Variants in NEO1 observed in about 807,000 individuals in gnomAD.
NEO1 encodes the protein neogenin 1.
NEO1 carries 63 observed loss-of-function variants against 159.7 expected under a neutral mutation model. The ratio of observed to expected loss-of-function variants is 0.39; its 90% CI spans 0.32 to 0.49. The LOEUF (loss-of-function observed/expected upper bound fraction) is 0.49, where lower values mean the gene tolerates loss of function less well. Among genes scored for constraint, NEO1 ranks in the 20% least tolerant of loss-of-function variants. NEO1 has a pLI of 0.85. For synonymous variants in NEO1, 633 were observed against 662.0 expected, an observed-to-expected ratio of 0.96 and a Z score of 0.67; for missense variants, 1,615 against 1,831.0, an observed-to-expected ratio of 0.88 and a Z score of 2.15.
At chr15:73,129,172 A>G (rs2030738681) in intron 4 of NEO1, among the ~76,000 whole-genome samples, 1 of 152,222 alleles carries the variant, frequency 6.6e-6, no homozygotes, top group Admixed American at 6.5e-5. Flanking sequence ...CAATATATTT[A>G]GCTTGAATAA....
At chr15:73,123,026 A>G (rs2010793) in intron 3 of NEO1, among the ~76,000 whole-genome samples, 61,016 of 151,822 alleles carry the variant, frequency 0.4, 13,480 homozygotes, top group Middle Eastern at 0.51. Flanking sequence ...ACATGGTGGC[A>G]GGCGCTTATA....
chr15:73,160,155 T>C (rs1049777602), intron 5 of NEO1, among the ~76,000 whole-genome samples: 2 of 152,214 alleles, frequency 1.3e-5, no homozygotes, highest in Non-Finnish European at 2.9e-5. Flanking sequence ...ATGTATACTT[T>C]TAATTTTTCT....
At chr15:73,175,205 G>A (rs1400110888) in intron 5 of NEO1, among the ~76,000 whole-genome samples, 2 of 152,166 alleles carry the variant, frequency 1.3e-5, no homozygotes, top group African/African-American at 4.8e-5. Context: ...ATTTACAGAG[G>A]CTGATACAGC....
At chr15:73,056,665 C>T (rs2067711192) in intron 1 of NEO1, among the ~76,000 whole-genome samples, 2 of 152,170 alleles carry the variant, frequency 1.3e-5, no homozygotes, top group East Asian at 1.9e-4. Context: ...TGTGTGGGCC[C>T]CCCCTGCCCT....
At chr15:73,207,651 A>G (rs1408835800) in intron 7 of NEO1, among the ~76,000 whole-genome samples, 3 of 152,336 alleles carry the variant, frequency 2.0e-5, no homozygotes, top group South Asian at 4.1e-4. Context: ...TTTCGTCCCT[A>G]CTGCACAATG....
intron 7 of NEO1, among the ~76,000 whole-genome samples, chr15:73,235,187 C>T (rs2039106694): frequency 6.6e-6 from 1 of 152,116 alleles, no homozygotes; most frequent in African/African-American, 2.4e-5. Flanking sequence ...ACAGACATTT[C>T]CAGGAGGTTG....
chr15:73,180,420 G>T (rs755369409), intron 7 of NEO1, among the ~76,000 whole-genome samples: 8 of 152,162 alleles, frequency 5.3e-5, no homozygotes, highest in Admixed American at 1.3e-4. Flanking sequence ...TTTAGTAGAA[G>T]CATGCCATTT....
intron 2 of NEO1, among the ~76,000 whole-genome samples, chr15:73,118,570 C>T (rs2071452863): frequency 6.6e-6 from 1 of 151,812 alleles, no homozygotes; most frequent in Non-Finnish European, 1.5e-5. Flanking sequence ...TTAATTTTAT[C>T]CTCCACCTTT....
intron 7 of NEO1, among the ~76,000 whole-genome samples, chr15:73,224,287 T>C (rs2038452461): frequency 6.6e-6 from 1 of 152,192 alleles, no homozygotes; most frequent in African/African-American, 2.4e-5. Flanking sequence ...ACAGTGTGCT[T>C]AGGTGATGAT....
chr15:73,151,018 A>G lies in NEO1; in HGVS notation c.1015+14991A>G, dbSNP rs546515773. Among the ~76,000 whole-genome samples the G allele has an allele frequency of 2.0e-5, 3 of 152,268 alleles. No individual in the cohort carries two copies. In the South Asian group the frequency reaches 6.2e-4, roughly 32 times the overall value. On this transcript the variant is annotated intron_variant, in intron 5 of 28. Coordinates refer to ENST00000261908, the MANE Select transcript of NEO1 (RefSeq NM_002499.4). ...AATGAGTAGTATTTCTGAGTAGTGT[A>G]TGCCAGGCCTTTTCCCAGAGTGGTC...
chr15:73,104,146 G>C (rs1190829624), intron 1 of NEO1, among the ~76,000 whole-genome samples: 1 of 152,154 alleles, frequency 6.6e-6, no homozygotes, highest in Non-Finnish European at 1.5e-5. Context: ...ACAGGTGTGA[G>C]CCACTGCGAC....
intron 7 of NEO1, among the ~76,000 whole-genome samples, chr15:73,217,434 A>G (rs1409259061): frequency 6.6e-6 from 1 of 150,462 alleles, no homozygotes; most frequent in Non-Finnish European, 1.5e-5. Flanking sequence ...GTTCCATATG[A>G]ACTTTAAAGT....
chr15:73,064,612 A>C (rs1332306253), intron 1 of NEO1, among the ~76,000 whole-genome samples: 1 of 151,930 alleles, frequency 6.6e-6, no homozygotes, highest in African/African-American at 2.4e-5. Context: ...CTACAGGTGC[A>C]CACCACCATG....
chr15:73,150,718 A>G (rs1218702695), intron 5 of NEO1, among the ~76,000 whole-genome samples: 1 of 152,208 alleles, frequency 6.6e-6, no homozygotes, highest in Non-Finnish European at 1.5e-5. Flanking sequence ...ACACATTACT[A>G]TACAACCAAA....
intron 7 of NEO1, among the ~76,000 whole-genome samples, chr15:73,209,097 T>C (rs1048758489): frequency 1.3e-5 from 2 of 152,262 alleles, no homozygotes; most frequent in African/African-American, 4.8e-5. Flanking sequence ...TAGTTTTCTT[T>C]TATTCATTAT....
At chr15:73,251,316 G>A (rs1354081776) in intron 11 of NEO1, among the ~76,000 whole-genome samples, 1 of 151,890 alleles carries the variant, frequency 6.6e-6, no homozygotes, top group South Asian at 2.1e-4. Flanking sequence ...TTCAAGACCA[G>A]CCTGGACAAC....
At chr15:73,252,795 G>A (rs918889122) in intron 11 of NEO1, among the ~76,000 whole-genome samples, 19 of 152,198 alleles carry the variant, frequency 1.2e-4, no homozygotes, top group Admixed American at 9.8e-4. Context: ...TTCAAGACCA[G>A]CCTGGCCAAC....
rs1466985579 is a variant in NEO1 at position 73,304,280 on chromosome 15, A to G, written c.*1584A>G. The G allele has an allele frequency of 2.0e-5, 3 of 152,154 alleles. No homozygotes were observed. The East Asian group carries it at 5.8e-4, about 29-fold the overall frequency. The allele number at this position is 152,154 out of a possible 1,614,324, so 9.4% of individuals were successfully genotyped here. On this transcript the variant is annotated 3_prime_UTR_variant, in exon 29 of 29. Transcript: ENST00000261908. ...AGGAGCTGAGGTGTGTGGTTTTTTA[A>G]TATTAAGAATATATAATGGAAAACA...
At chr15:73,252,894 G>A (rs2040150527) in intron 11 of NEO1, among the ~76,000 whole-genome samples, 1 of 152,160 alleles carries the variant, frequency 6.6e-6, no homozygotes, top group African/African-American at 2.4e-5. Context: ...GGAGGCTGAG[G>A]CAGGAGAATC....
Sources: allele counts gnomAD v4.1 joint callset (sites outside exome capture counted in the v4.1 genomes callset), GRCh38; gene constraint gnomAD v4.1.1; transcripts MANE v1.5; gene names NCBI Gene and HGNC (gene_info 2026-07-23, HGNC 2026-07-21).